SLC29A4: variants seen among roughly 807,000 people sequenced by gnomAD.
SLC29A4 encodes solute carrier family 29 member 4, also known as equilibrative nucleoside transporter 4.
SLC29A4 carries 36 observed loss-of-function variants against 43.9 expected under a neutral mutation model. That is an observed-to-expected ratio of 0.82 (90% CI 0.63 to 1.08). The LOEUF (loss-of-function observed/expected upper bound fraction) is 1.08, where lower values mean the gene tolerates loss of function less well. Among genes scored for constraint, SLC29A4 ranks in the 50% least tolerant of loss-of-function variants. SLC29A4 has a pLI of 0.00. For synonymous variants in SLC29A4, 491 were observed against 338.0 expected, an observed-to-expected ratio of 1.45 and a Z score of -4.97; for missense variants, 869 against 755.3, an observed-to-expected ratio of 1.15 and a Z score of -1.77.
chr7:5,300,552 C>A lies in SLC29A4; in HGVS notation c.1340C>A (p.Ala447Asp). Residue 447 changes from alanine (A) to aspartate (D), a missense_variant, in exon 10 of 11, where the codon GCC (alanine) becomes GAC (aspartate). Coordinates refer to ENST00000396872, the MANE Select transcript of SLC29A4 (RefSeq NM_153247.4). ...PSGMPALRHPAWPCIFSLLMG... is the reference protein window; with the variant it reads ...PSGMPALRHPDWPCIFSLLMG... ...GGCATGCCCGCCCTCCGTCACCCCG[C>A]CTGGCCCTGCATCTTCTCACTGCTC... is the stretch of plus-strand genomic sequence containing the variant. 1.9e-6 allele frequency: 3 copies of A among 1,612,406 alleles called. No homozygotes were observed. In the South Asian group the frequency reaches 3.3e-5, roughly 18 times the overall value.
chr7:5,304,516 A>G lies in SLC29A4; in HGVS notation c.*1577A>G. ...CTGTGCCTCATTTCTTTCTTTTTTT[A>G]TTTTTTTTTTGAGACTGAGTCTTGC... On this transcript the variant is annotated 3_prime_UTR_variant, in exon 11 of 11. Transcript: ENST00000396872. 1 of 147,258 alleles carries G rather than the reference A, an allele frequency of 6.8e-6. No individual in the cohort carries two copies. Among genetic ancestry groups the G allele is most frequent in the African/African-American group, 2.5e-5 (1 of 39,894 alleles). 9.1% of individuals were successfully genotyped at this position (147,258 alleles called of 1,614,324 possible).
chr7:5,300,477 G>C lies in SLC29A4; in HGVS notation c.1265G>C (p.Cys422Ser). Residue 422 changes from cysteine to serine, a missense_variant, in exon 10 of 11, where the codon TGC (cysteine) becomes TCC (serine). Cys to Ser is a moderately radical substitution (Grantham distance 112). Coordinates refer to ENST00000396872, the MANE Select transcript of SLC29A4 (RefSeq NM_153247.4). ...GGCACCCACCTGCTGGCCTGCTCCT[G>C]CCTGCGTGTGGTCTTCATCCCCCTC... ...WRGTHLLACS[C>S]LRVVFIPLFI... 6.2e-7 allele frequency: 1 copy of C among 1,611,686 alleles called. No individual in the cohort carries two copies. Among genetic ancestry groups the C allele is most frequent in the East Asian group, 2.2e-5 (1 of 44,874 alleles).
At chr7:5,297,458 C>T (rs1384424135) in intron 7 of SLC29A4, among the ~76,000 whole-genome samples, 1 of 152,226 alleles carries the variant, frequency 6.6e-6, no homozygotes, top group East Asian at 1.9e-4. Flanking sequence ...AGCTGCTGTG[C>T]CCCACGGCGT....
chr7:5,286,909 C>T (rs1217993420), intron 1 of SLC29A4, among the ~76,000 whole-genome samples: 1 of 152,246 alleles, frequency 6.6e-6, no homozygotes, highest in South Asian at 2.1e-4. Flanking sequence ...TGCAGGCACG[C>T]GTGAGGCTCA....
chr7:5,296,753 G>A (rs1785698575), intron 6 of SLC29A4, among the ~76,000 whole-genome samples, 183 bp from the exon 7 acceptor site: 1 of 141,344 alleles, frequency 7.1e-6, no homozygotes, highest in African/African-American at 2.6e-5. Flanking sequence ...GGCGGTGATG[G>A]GCGGGGCCTG....
chr7:5,296,251 G>T (rs956923044), intron 6 of SLC29A4, among the ~76,000 whole-genome samples: 1 of 151,898 alleles, frequency 6.6e-6, no homozygotes, highest in African/African-American at 2.4e-5. Context: ...TCTGCCCCCT[G>T]CCTGAATCAC....
chr7:5,285,489 C>T (rs149599414), intron 1 of SLC29A4, among the ~76,000 whole-genome samples: 3,327 of 152,334 alleles, frequency 0.022, 73 homozygotes, highest in South Asian at 0.058. Flanking sequence ...TGGGAAGGCT[C>T]TGGCTTCAAA....
intron 10 of SLC29A4, among the ~76,000 whole-genome samples, chr7:5,301,207 C>T (rs1455795188): frequency 2.7e-5 from 4 of 150,510 alleles, no homozygotes; most frequent in Admixed American, 2.0e-4. Context: ...GAGGTTGCAG[C>T]TGTGATCACG....
At chr7:5,296,683 G>A (rs1785688861) in intron 6 of SLC29A4, among the ~76,000 whole-genome samples, 1 of 147,622 alleles carries the variant, frequency 6.8e-6, no homozygotes, top group Non-Finnish European at 1.5e-5. Context: ...AGGAATTGCT[G>A]GAAGGGGCTG....
Position 5,300,433 on chromosome 7 carries a change from C to G in SLC29A4, c.1221C>G (p.Ala407=). 6.2e-7 allele frequency: 1 copy of G among 1,611,400 alleles called. No individual in the cohort carries two copies. The highest frequency in any genetic ancestry group is 2.2e-5 in the East Asian group (1 of 44,878). Reference sequence around the variant, plus strand: ...CTGGCTCTCTGCAGATCCTGGCAGCCCTGCCCGTGGACTGGCGGGGCACCC... The same window carrying G: ...CTGGCTCTCTGCAGATCCTGGCAGCGCTGCCCGTGGACTGGCGGGGCACCC... ...LSDFVGKILA[A]LPVDWRGTHL... is the part of the protein sequence containing the mutation. The change falls in exon 10 of 11, where the codon GCC becomes GCG. Residue 407 remains alanine (A), a synonymous_variant. Coordinates refer to ENST00000396872, the MANE Select transcript of SLC29A4 (RefSeq NM_153247.4).
intron 6 of SLC29A4, 133 bp from the exon 7 acceptor site, chr7:5,296,802 TG>T (rs1785706028): frequency 2.3e-5 from 21 of 899,172 alleles, no homozygotes; most frequent in Middle Eastern, 3.6e-4. Flanking sequence ...GCGGGGCCTG[TG>T]GGTGGGGGCA....
intron 6 of SLC29A4, 44 bp downstream of exon 6, chr7:5,294,978 C>G: frequency 6.5e-7 from 1 of 1,541,912 alleles, no homozygotes; most frequent in Non-Finnish European, 8.8e-7. Context: ...CTGGGCTGCC[C>G]TGGGCTCTGG....
At chr7:5,296,630 G>T (rs1221804821) in intron 6 of SLC29A4, among the ~76,000 whole-genome samples, 1 of 132,488 alleles carries the variant, frequency 7.5e-6, no homozygotes, top group Non-Finnish European at 1.6e-5. Flanking sequence ...CTGAGTGGGG[G>T]CGGAGCTGAG....
chr7:5,294,386 G>T (rs867994751), intron 5 of SLC29A4, among the ~76,000 whole-genome samples: 3 of 152,192 alleles, frequency 2.0e-5, no homozygotes, highest in African/African-American at 7.2e-5. Flanking sequence ...GGATGAGAGG[G>T]GTTATTGCTG....
chr7:5,293,627 A>G (rs1785455341), intron 5 of SLC29A4, among the ~76,000 whole-genome samples: 1 of 152,026 alleles, frequency 6.6e-6, no homozygotes, highest in African/African-American at 2.4e-5. Flanking sequence ...TTGTTAAAAA[A>G]CAAAAAAAAT....
chr7:5,299,034 G>C lies in SLC29A4; in HGVS notation c.929G>C (p.Ser310Thr), dbSNP rs777001790. The C allele has an allele frequency of 9.3e-6, 15 of 1,611,932 alleles. No homozygotes were observed. Among genetic ancestry groups the C allele is most frequent in the Non-Finnish European group, 1.2e-5 (14 of 1,179,848 alleles). Reference protein sequence around the residue: ...ALAPNESPKDSPAHEVTGSGG... With the variant: ...ALAPNESPKDTPAHEVTGSGG... The stretch of plus-strand genomic sequence containing the variant: ...GCCCCCAACGAGTCCCCAAAGGACA[G>C]CCCAGCCCACGAGGTGACCGGCAGC... Residue 310 changes from serine (S) to threonine (T), a missense_variant, in exon 8 of 11, where the codon AGC becomes ACC. Transcript: ENST00000396872.
rs1265372928 is a variant in SLC29A4, at chr7:5,297,146, G to C, written c.830G>C (p.Arg277Thr). Reference sequence around the variant, plus strand: ...CACCGGGGCAGGCCAGGCCTGGGCAGGGGCTATGGCTACCGCGTGCACCAC... The same window carrying C: ...CACCGGGGCAGGCCAGGCCTGGGCACGGGCTATGGCTACCGCGTGCACCAC... ...DSHRGRPGLG[R>T]GYGYRVHHDV... The change falls in exon 7 of 11, where the codon AGG becomes ACG. Residue 277 changes from arginine (R) to threonine (T), a missense_variant. Transcript: ENST00000396872. 1 of 1,603,454 alleles carries C rather than the reference G, an allele frequency of 6.2e-7. No individual in the cohort carries two copies. Among genetic ancestry groups the C allele is most frequent in the Non-Finnish European group, 8.5e-7 (1 of 1,178,818 alleles).
chr7:5,298,894 C>A, intron 7 of SLC29A4, 94 bp from the exon 8 acceptor site: 1 of 1,406,646 alleles, frequency 7.1e-7, no homozygotes, highest in Non-Finnish European at 9.6e-7. Context: ...AGCGCCAGCC[C>A]CAGTGCGGCT....
rs1025660480 is a variant in SLC29A4 at position 5,284,035 on chromosome 7, C to A, written c.-9+953C>A. ...AGGCTCCAGTCTGAGCTGCACGACC[C>A]CCCCCCCCACCCCCGACTTGGCCTC... is the stretch of plus-strand genomic sequence containing the variant. On this transcript the variant is annotated intron_variant, in intron 1 of 10. Coordinates refer to ENST00000396872, the MANE Select transcript of SLC29A4 (RefSeq NM_153247.4). Among the ~76,000 whole-genome samples the A allele has an allele frequency of 9.8e-5, 6 of 61,112 alleles. No homozygotes were observed. In the South Asian group the frequency reaches 2.9e-3, roughly 30 times the overall value. The allele number at this position is 61,112 out of a possible 152,430, so 40.1% of individuals were successfully genotyped here.
Sources: allele counts gnomAD v4.1 joint callset (sites outside exome capture counted in the v4.1 genomes callset), GRCh38; gene constraint gnomAD v4.1.1; transcripts MANE v1.5; gene names NCBI Gene and HGNC (gene_info 2026-07-23, HGNC 2026-07-21).